The following ACSBG2 variants were observed in gnomAD, a reference collection of about 807,000 sequenced individuals.
ACSBG2 encodes the protein long-chain-fatty-acid--CoA ligase ACSBG2.
A neutral mutation model predicts 74.7 loss-of-function variants in ACSBG2; 62 were observed. The observed-to-expected ratio is 0.83, with a 90% CI of 0.68 to 1.03. ACSBG2 has a LOEUF of 1.03. Ranked by LOEUF, ACSBG2 falls within the 50% of genes least tolerant of loss-of-function variation. The pLI is 0.00. For synonymous variants in ACSBG2, 309 were observed against 294.1 expected (o/e 1.05, Z -0.52); for missense variants, 730 against 817.6 (o/e 0.89, Z 1.31).
At chr19:6,145,139 C>T (rs1257241116) in intron 2 of ACSBG2, among the ~76,000 whole-genome samples, 1 of 152,066 alleles carries the variant, frequency 6.6e-6, no homozygotes, top group Non-Finnish European at 1.5e-5. Flanking sequence ...TGGCTCATGC[C>T]TGTAATCCCA....
rs1555696878 is a variant in ACSBG2, at chr19:6,181,816, C to CCG, written c.907-934_907-933insGC. On this transcript the variant is annotated intron_variant, in intron 8 of 14. Transcript: ENST00000588485. ...TGCATTTGAATAGTCCCCACCCGCCCCCCCCCCCAACGAAATTTCCTTGGC... is the reference window on the plus strand; with the variant it reads ...TGCATTTGAATAGTCCCCACCCGCCCCGCCCCCCCCAACGAAATTTCCTTGGC... Among the ~76,000 whole-genome samples the CCG allele has an allele frequency of 3.7e-5, 4 of 107,330 alleles. 1 individual carries two copies. The highest frequency in any genetic ancestry group is 7.5e-5 in the African/African-American group (2 of 26,620). The allele number at this position is 107,330 out of a possible 152,430, so 70.4% of individuals were successfully genotyped here.
At chr19:6,167,271 C>T (rs2089836200) in intron 7 of ACSBG2, among the ~76,000 whole-genome samples, 1 of 152,200 alleles carries the variant, frequency 6.6e-6, no homozygotes, top group Non-Finnish European at 1.5e-5. Context: ...ACCATGTAAG[C>T]TGGTGTGACA....
intron 1 of ACSBG2, among the ~76,000 whole-genome samples, chr19:6,139,021 T>G (rs1027082974): frequency 4.6e-5 from 7 of 152,208 alleles, no homozygotes; most frequent in Non-Finnish European, 1.0e-4. Flanking sequence ...TCCTGCTGAT[T>G]GATCTACTTT....
At chr19:6,151,595 GC>G in intron 3 of ACSBG2, 111 bp from the exon 4 acceptor site, 1 of 1,000,912 alleles carries the variant, frequency 1.0e-6, no homozygotes, top group Non-Finnish European at 1.5e-6. Flanking sequence ...ACAGGTGTGA[GC>G]CACTGCGCCT....
chr19:6,180,800 G>C lies in ACSBG2; in HGVS notation c.907-1951G>C, dbSNP rs886375513. Among the ~76,000 whole-genome samples the C allele has an allele frequency of 3.3e-5, 5 of 152,138 alleles. No homozygotes were observed. The highest frequency in any genetic ancestry group is 5.9e-5 in the Non-Finnish European group (4 of 68,022). On this transcript the variant is annotated intron_variant, in intron 8 of 14. Coordinates refer to ENST00000588485, the MANE Select transcript of ACSBG2 (RefSeq NM_030924.5). The surrounding 1 kb of genome is among the most constrained non-coding windows in gnomAD (Gnocchi z 4.3). ...AATGATAGTGAGCATCTCTTCATGTGTTTATTGACCATTTACATATCTTCT... is the reference window on the plus strand; with the variant it reads ...AATGATAGTGAGCATCTCTTCATGTCTTTATTGACCATTTACATATCTTCT...
intron 2 of ACSBG2, among the ~76,000 whole-genome samples, chr19:6,142,379 A>G (rs1028129932): frequency 6.6e-6 from 1 of 152,068 alleles, no homozygotes; most frequent in African/African-American, 2.4e-5. Context: ...GAGGTCCCCA[A>G]ACGCCGGTGG....
In ACSBG2 at chr19:6,151,736, T is replaced by C. The variant is rs369753728; in HGVS notation, c.327T>C (p.Gly109=). The stretch of plus-strand genomic sequence containing the variant: ...GTTTGGAGCGTTTCCACGGAGTTGG[T>C]ATCCTGGGGTTTAACTCTGCAGAGT... ...KLGLERFHGV[G]ILGFNSAEWF... is the part of the protein sequence containing the mutation. Residue 109 remains glycine, a synonymous_variant, in exon 4 of 15, where the codon GGT becomes GGC. Transcript: ENST00000588485. 6.2e-7 allele frequency: 1 copy of C among 1,603,052 alleles called. No homozygotes were observed. Among genetic ancestry groups the C allele is most frequent in the African/African-American group, 1.3e-5 (1 of 74,874 alleles).
rs774271618 is a variant in ACSBG2, at chr19:6,182,874, A to G, written c.1030A>G (p.Lys344Glu). The change falls in exon 9 of 15, where the codon AAG becomes GAG. Residue 344 changes from lysine to glutamate, a missense_variant. Coordinates refer to ENST00000588485, the MANE Select transcript of ACSBG2 (RefSeq NM_030924.5). ...TGCCAAGTCCATGGGCTTGAAGAAG[A>G]AGGCATTCGTGTGGGCAAGAAACAT... is the stretch of plus-strand genomic sequence containing the variant. ...NSAKSMGLKKKAFVWARNIGF... is the reference protein window; with the variant it reads ...NSAKSMGLKKEAFVWARNIGF... 5 of 1,614,158 alleles carry G rather than the reference A, an allele frequency of 3.1e-6. No homozygotes were observed. The highest frequency in any genetic ancestry group is 4.2e-6 in the Non-Finnish European group (5 of 1,180,040).
In ACSBG2 at chr19:6,185,441, G is replaced by T. The variant is rs756393240; in HGVS notation, c.1328G>T (p.Gly443Val). Residue 443 changes from glycine to valine, a missense_variant, in exon 11 of 15, where the codon GGC (glycine) becomes GTC (valine). By Grantham distance (109) the Gly-to-Val change is moderately radical. Transcript: ENST00000588485. ...NQNNYRLLSC[G>V]KILTGCKNML... ...CTGCTTCTGTCCCCTGGCAGCTGTG[G>T]CAAGATCTTGACTGGGTGTAAGAAT... is the stretch of plus-strand genomic sequence containing the variant. 40 of 1,614,028 alleles carry T rather than the reference G, an allele frequency of 2.5e-5. No individual in the cohort carries two copies. The Admixed American group carries it at 2.5e-4, about 10-fold the overall frequency.
At chr19:6,159,986 G>A (rs2089551677) in intron 5 of ACSBG2, among the ~76,000 whole-genome samples, 1 of 152,176 alleles carries the variant, frequency 6.6e-6, no homozygotes, top group South Asian at 2.1e-4. Flanking sequence ...GCATGCCAGA[G>A]GCGTGGTTAT....
At chr19:6,168,788 A>AT (rs1309146946) in intron 7 of ACSBG2, among the ~76,000 whole-genome samples, 4 of 151,590 alleles carry the variant, frequency 2.6e-5, no homozygotes, top group Non-Finnish European at 5.9e-5. Context: ...TTTTATTTTT[A>AT]TTTTTTTTGA....
chr19:6,176,495 A>AACACAC (rs146521003), intron 7 of ACSBG2: 1 of 948,746 alleles, frequency 1.1e-6, no homozygotes, highest in South Asian at 2.1e-5. Flanking sequence ...ATGAAAAAAC[A>AACACAC]ACACACACAC....
At position 6,187,313 on chromosome 19, in the gene ACSBG2, T is replaced by G. The variant is rs140669353; in HGVS notation, c.1571T>G (p.Val524Gly). The part of the protein sequence containing the change: ...EILITAGGEN[V>G]PPIPVETLVK... The stretch of plus-strand genomic sequence containing the variant: ...CTTATCACTGCTGGTGGTGAAAATG[T>G]GCCCCCCATTCCTGTTGAGACCTTG... The change falls in exon 12 of 15, where the codon GTG (valine) becomes GGG (glycine). Residue 524 changes from valine (V) to glycine (G), a missense_variant. Transcript: ENST00000588485. 7 of 1,614,034 alleles carry G rather than the reference T, an allele frequency of 4.3e-6. No individual in the cohort carries two copies. The African/African-American group carries it at 9.3e-5, about 22-fold the overall frequency.
chr19:6,154,345 C>A lies in ACSBG2; in HGVS notation c.387-2086C>A, dbSNP rs894414264. On this transcript the variant is annotated intron_variant, in intron 4 of 14. Transcript: ENST00000588485. The stretch of plus-strand genomic sequence containing the variant: ...CCCGGGACGCAGAGGTTGCAGTGAG[C>A]CGAGATCATGCCATTGCAATCCAGC... Among the ~76,000 whole-genome samples the A allele has an allele frequency of 2.0e-5, 3 of 146,412 alleles. No homozygotes were observed. In the South Asian group the frequency reaches 6.6e-4, roughly 32 times the overall value.
At chr19:6,187,087 C>A (rs879654492) in intron 11 of ACSBG2, among the ~76,000 whole-genome samples, 196 bp from the exon 12 acceptor site, 22 of 150,968 alleles carry the variant, frequency 1.5e-4, no homozygotes, top group Non-Finnish European at 2.4e-4. Flanking sequence ...TCACTGCAAC[C>A]TCCGCCTCCC....
chr19:6,155,018 C>T (rs2089371206), intron 4 of ACSBG2, among the ~76,000 whole-genome samples: 1 of 152,200 alleles, frequency 6.6e-6, no homozygotes. Flanking sequence ...GAGGATGCTT[C>T]ATAAACCCTT....
intron 7 of ACSBG2, among the ~76,000 whole-genome samples, chr19:6,170,294 T>A (rs1472926486): frequency 6.6e-6 from 1 of 152,202 alleles, no homozygotes; most frequent in Non-Finnish European, 1.5e-5. Context: ...TCATAAAGAA[T>A]GTTGGATTTT....
chr19:6,161,583 G>A (rs1167330788), intron 6 of ACSBG2: 1 of 307,548 alleles, frequency 3.3e-6, no homozygotes, highest in African/African-American at 2.1e-5. Flanking sequence ...AAAGAAAGTG[G>A]GAGGTAAGCA....
At chr19:6,154,975 A>AT (rs1464445234) in intron 4 of ACSBG2, among the ~76,000 whole-genome samples, 1 of 152,228 alleles carries the variant, frequency 6.6e-6, no homozygotes, top group Non-Finnish European at 1.5e-5. Flanking sequence ...ACACATCTCC[A>AT]TGCCTCACAG....
Sources: gnomAD v4.1 joint callset for allele counts (sites outside exome capture counted in the v4.1 genomes callset) on GRCh38, gnomAD v4.1.1 for gene constraint, Gnocchi (gnomAD v3.1) non-coding constraint, MANE v1.5 for transcripts, NCBI Gene and HGNC (gene_info 2026-07-23, HGNC 2026-07-21) for gene names.